The following DYRK2 variants were observed in gnomAD, a reference collection of about 807,000 sequenced individuals.
DYRK2 encodes dual specificity tyrosine phosphorylation regulated kinase 2.
In DYRK2, 12 loss-of-function variants were observed where a neutral mutation model predicts 41.6. The observed-to-expected ratio is 0.29, with a 90% CI of 0.18 to 0.47. The LOEUF is 0.47. Ranked by LOEUF, DYRK2 falls within the 20% of genes least tolerant of loss-of-function variation. The pLI, the probability that DYRK2 is intolerant of heterozygous loss-of-function variation, is 1.00. For synonymous variants in DYRK2, 322 were observed against 315.7 expected (o/e 1.02, Z -0.21); for missense variants, 678 against 798.4 (o/e 0.85, Z 1.82).
chr12:67,649,748 C>T (rs748220678), intron 1 of DYRK2, 49 bp from the exon 2 acceptor site: 4 of 1,305,120 alleles, frequency 3.1e-6, no homozygotes, highest in Non-Finnish European at 3.9e-6. Context: ...GTCTGGGTGA[C>T]TTTCTCCCCC....
chr12:67,654,507 C>A (rs562526685), intron 2 of DYRK2, among the ~76,000 whole-genome samples: 1 of 152,256 alleles, frequency 6.6e-6, no homozygotes, highest in East Asian at 1.9e-4. Flanking sequence ...ACGATGCTGC[C>A]TCAGTTGTCC....
chr12:67,655,406 A>G (rs1370446102), intron 2 of DYRK2, among the ~76,000 whole-genome samples: 2 of 152,188 alleles, frequency 1.3e-5, no homozygotes, highest in Non-Finnish European at 2.9e-5. Flanking sequence ...GCTGGGGAAG[A>G]GAAGCATTGG....
rs1214762926 is a variant in DYRK2, at chr12:67,662,614, ATTG to A, written c.*3906_*3908del. ...GTTTAGTGAATATCTGTTAAATTTT[ATTG>A]TTGTGGCCAGAGATAATTTCAGAAT... On this transcript the variant is annotated 3_prime_UTR_variant, in exon 3 of 3. Transcript: ENST00000344096. 1.2e-5 allele frequency: 2 copies of A among 166,728 alleles called. No individual in the cohort carries two copies. The highest frequency in any genetic ancestry group is 2.9e-5 in the Non-Finnish European group (2 of 68,092). 10.3% of individuals were successfully genotyped at this position (166,728 alleles called of 1,614,324 possible).
rs1872581866 is a variant in DYRK2, at chr12:67,660,062, AATT to A, written c.*1353_*1355del. 6.0e-6 allele frequency: 1 copy of A among 167,114 alleles called. No homozygotes were observed. The highest frequency in any genetic ancestry group is 1.5e-5 in the Non-Finnish European group (1 of 68,124). 10.4% of individuals were successfully genotyped at this position (167,114 alleles called of 1,614,324 possible). On this transcript the variant is annotated 3_prime_UTR_variant, in exon 3 of 3. Coordinates refer to ENST00000344096, the MANE Select transcript of DYRK2 (RefSeq NM_006482.3). ...AAGAATATTTTCTTCTCTGAATAAT[AATT>A]ATTTTCACAGTGAAAATTTCAGTAT...
At chr12:67,650,275 A>G (rs575829463) in intron 2 of DYRK2, among the ~76,000 whole-genome samples, 1 of 152,064 alleles carries the variant, frequency 6.6e-6, no homozygotes, top group African/African-American at 2.4e-5. Context: ...CCCTTCCCTG[A>G]CCCGGTAAAC....
intron 2 of DYRK2, among the ~76,000 whole-genome samples, chr12:67,654,787 A>G (rs1179686071): frequency 6.6e-6 from 1 of 152,082 alleles, no homozygotes; most frequent in African/African-American, 2.4e-5. Flanking sequence ...TGGGAGAGGG[A>G]GCTGATCGAT....
intron 2 of DYRK2, among the ~76,000 whole-genome samples, chr12:67,653,178 A>G (rs866691903): frequency 6.6e-6 from 1 of 152,170 alleles, no homozygotes; most frequent in South Asian, 2.1e-4. Flanking sequence ...ACATTGGCAT[A>G]TCGGAATAAG....
intron 2 of DYRK2, among the ~76,000 whole-genome samples, chr12:67,651,825 A>G (rs142858629): frequency 1.2e-4 from 19 of 152,336 alleles, no homozygotes; most frequent in African/African-American, 4.6e-4. Flanking sequence ...TTTCATCAAG[A>G]TTCCCCAGCC....
At position 67,661,879 on chromosome 12, in the gene DYRK2, G is replaced by C. The variant is rs978480713; in HGVS notation, c.*3166G>C. On this transcript the variant is annotated 3_prime_UTR_variant, in exon 3 of 3. Coordinates refer to ENST00000344096, the MANE Select transcript of DYRK2 (RefSeq NM_006482.3). The stretch of plus-strand genomic sequence containing the variant: ...CTCAAACCATTTAATTTTATAGTGT[G>C]ATTAATCCCAGGGCATTTGGTATGA... 1.2e-5 allele frequency: 2 copies of C among 166,742 alleles called. No individual in the cohort carries two copies. Among genetic ancestry groups the C allele is most frequent in the Admixed American group, 1.3e-4 (2 of 15,258 alleles). The allele number at this position is 166,742 out of a possible 1,614,324, so 10.3% of individuals were successfully genotyped here.
Position 67,662,199 on chromosome 12 carries a change from A to G in DYRK2, c.*3486A>G, listed in dbSNP as rs568942075. On this transcript the variant is annotated 3_prime_UTR_variant, in exon 3 of 3. Coordinates refer to ENST00000344096, the MANE Select transcript of DYRK2 (RefSeq NM_006482.3). ...AAAAAAACTGATCTGGTCTCGGTAA[A>G]GGTTTTAATATTGCCCAACATAATG... The G allele has an allele frequency of 3.6e-5, 6 of 167,092 alleles. No individual in the cohort carries two copies. The South Asian group carries it at 1.2e-3, about 35-fold the overall frequency. 10.4% of individuals were successfully genotyped at this position (167,092 alleles called of 1,614,324 possible).
In DYRK2 at chr12:67,657,370, ACACCTGAAC is replaced by A; in HGVS notation, c.464_472del (p.Thr155_Gln158delinsLys). ...GGGGAAGGTGAAAGCCACCCCCATG[ACACCTGAAC>A]AAGCAATGAAGCAATACATGCAAAA... On this transcript the variant is annotated inframe_deletion, in exon 3 of 3. Coordinates refer to ENST00000344096, the MANE Select transcript of DYRK2 (RefSeq NM_006482.3). This position sits in a 1 kb window ranked among gnomAD's most constrained non-coding sequence, Gnocchi z 4.8. The A allele has an allele frequency of 6.2e-7, 1 of 1,614,170 alleles. No individual in the cohort carries two copies. Among genetic ancestry groups the A allele is most frequent in the Non-Finnish European group, 8.5e-7 (1 of 1,180,036 alleles).
Position 67,657,527 on chromosome 12 carries a change from A to G in DYRK2, c.620A>G (p.Gln207Arg). The G allele has an allele frequency of 6.2e-7, 1 of 1,614,114 alleles. No individual in the cohort carries two copies. Among genetic ancestry groups the G allele is most frequent in the East Asian group, 2.2e-5 (1 of 44,886 alleles). Residue 207 changes from glutamine (Q) to arginine (R), a missense_variant, in exon 3 of 3, where the codon CAG becomes CGG. Around this residue, in one of 2 missense-constraint regions of DYRK2, gnomAD observed 393 missense variants for 519.1 expected, o/e 0.76. Transcript: ENST00000344096. The surrounding 1 kb of genome is among the most constrained non-coding windows in gnomAD (Gnocchi z 4.8). ...AACAATGGTGGCTATGATGATGACC[A>G]GGGATCATATGTGCAGGTGCCCCAC... ...GPNNGGYDDD[Q>R]GSYVQVPHDH...
rs1872227612 is a variant in DYRK2, at chr12:67,649,177, C to G, written c.44C>G (p.Pro15Arg). ...KPSAAAPAAY[P>R]TGRGGDSAVR... ...TCGGCCGCCGCTCCCGCCGCCTACC[C>G]GACCGGTAAGGAGGCCGTGCCGCCG... is the stretch of plus-strand genomic sequence containing the variant. Residue 15 changes from proline (P) to arginine (R), a missense_variant, in exon 1 of 3, where the codon CCG becomes CGG. By Grantham distance (103) the Pro-to-Arg change is moderately radical. Transcript: ENST00000344096. 2 of 1,510,350 alleles carry G rather than the reference C, an allele frequency of 1.3e-6. No homozygotes were observed. The highest frequency in any genetic ancestry group is 1.8e-6 in the Non-Finnish European group (2 of 1,124,928). 93.6% of individuals were successfully genotyped at this position (1,510,350 alleles called of 1,614,324 possible). A position where few individuals can be genotyped will look rare whatever the true frequency, so the allele number is the denominator to read the frequency against.
At chr12:67,650,323 T>C (rs1872282696) in intron 2 of DYRK2, among the ~76,000 whole-genome samples, 1 of 152,056 alleles carries the variant, frequency 6.6e-6, no homozygotes, top group Non-Finnish European at 1.5e-5. Flanking sequence ...GGGTAGTGGG[T>C]ATTTATAGAA....
chr12:67,650,644 C>G (rs565321315), intron 2 of DYRK2, among the ~76,000 whole-genome samples: 178 of 152,284 alleles, frequency 1.2e-3, no homozygotes, highest in Admixed American at 2.0e-3. Context: ...GCTGTGGTCT[C>G]TGGGAGGGGA....
intron 1 of DYRK2, 136 bp from the exon 2 acceptor site, chr12:67,649,661 C>G (rs1160559227): frequency 2.4e-5 from 25 of 1,037,516 alleles, no homozygotes; most frequent in African/African-American, 3.3e-5. Context: ...CCCGAACGCC[C>G]GTTTTTACTG....
rs1872488748 is a variant in DYRK2, at chr12:67,657,011, T to A, written c.199-95T>A. 7.7e-7 allele frequency: 1 copy of A among 1,293,682 alleles called. No homozygotes were observed. Among genetic ancestry groups the A allele is most frequent in the Non-Finnish European group, 1.0e-6 (1 of 971,760 alleles). The allele number at this position is 1,293,682 out of a possible 1,614,324, so 80.1% of individuals were successfully genotyped here. ...CAAACCAAATGGGATTTTGTAAATGTGAGGTTGGGGGCGGTGGTGTTGTTG... is the reference window on the plus strand; with the variant it reads ...CAAACCAAATGGGATTTTGTAAATGAGAGGTTGGGGGCGGTGGTGTTGTTG... On this transcript the variant is annotated intron_variant, in intron 2 of 2. Transcript: ENST00000344096. The surrounding 1 kb of genome is among the most constrained non-coding windows in gnomAD (Gnocchi z 4.8).
intron 2 of DYRK2, among the ~76,000 whole-genome samples, chr12:67,651,309 A>G (rs561509374): frequency 7.9e-5 from 12 of 152,298 alleles, no homozygotes; most frequent in African/African-American, 2.9e-4. Flanking sequence ...GACAATTTGG[A>G]AAATATAATA....
rs1391910500 is a variant in DYRK2, at chr12:67,648,928, A to C, written c.-206A>C. 1.1e-5 allele frequency: 4 copies of C among 369,788 alleles called. No homozygotes were observed. Among genetic ancestry groups the C allele is most frequent in the African/African-American group, 2.3e-5 (1 of 44,070 alleles). 22.9% of individuals were successfully genotyped at this position (369,788 alleles called of 1,614,324 possible). ...GAAGAGGAGGACGGCGGCGAGGAGG[A>C]GAGCGGGGGGCTCGCGGCGGCGGGC... On this transcript the variant is annotated 5_prime_UTR_variant, in exon 1 of 3. Coordinates refer to ENST00000344096, the MANE Select transcript of DYRK2 (RefSeq NM_006482.3).
Sources: gnomAD v4.1 joint callset for allele counts (sites outside exome capture counted in the v4.1 genomes callset) on GRCh38, gnomAD v4.1.1 for gene constraint, gnomAD v4.1.1 regional missense constraint, Gnocchi (gnomAD v3.1) non-coding constraint, MANE v1.5 for transcripts, NCBI Gene and HGNC (gene_info 2026-07-23, HGNC 2026-07-21) for gene names.